The following GTF3C3 variants were observed in gnomAD, a reference collection of about 807,000 sequenced individuals.
GTF3C3 encodes the protein general transcription factor 3C polypeptide 3.
GTF3C3 carries 75 observed loss-of-function variants against 105.2 expected under a neutral mutation model. The ratio of observed to expected loss-of-function variants is 0.71; its 90% CI spans 0.59 to 0.86. GTF3C3 has a LOEUF of 0.86. GTF3C3 is among the 40% of genes least tolerant of loss of function. The pLI, the probability that GTF3C3 is intolerant of heterozygous loss-of-function variation, is 0.00. For synonymous variants in GTF3C3, 335 were observed against 370.4 expected, an observed-to-expected ratio of 0.90 and a Z score of 1.10; for missense variants, 856 against 1,076.5, an observed-to-expected ratio of 0.80 and a Z score of 2.87.
Position 196,789,216 on chromosome 2 carries a change from C to T in GTF3C3, c.881G>A (p.Arg294Lys). 3 of 1,606,822 alleles carry T rather than the reference C, an allele frequency of 1.9e-6. No individual in the cohort carries two copies. Among genetic ancestry groups the T allele is most frequent in the Non-Finnish European group, 2.5e-6 (3 of 1,177,578 alleles). Residue 294 changes from arginine (R) to lysine (K), a missense_variant, in exon 6 of 18, where the codon AGA becomes AAA. Coordinates refer to ENST00000263956, the MANE Select transcript of GTF3C3 (RefSeq NM_012086.5). ...SDGERFMQLA[R>K]DMAKSYYEAN... ...ACTCCAAACTTACTTTGCCATATCT[C>T]TAGCCAGCTGCATAAAACGTTCGCC...
chr2:196,782,784 T>G (rs1468166620), intron 8 of GTF3C3, among the ~76,000 whole-genome samples: 2 of 152,188 alleles, frequency 1.3e-5, no homozygotes, highest in African/African-American at 4.8e-5. Context: ...ACCAGTTCAA[T>G]CAGGTAAGTA....
chr2:196,784,953 G>C (rs1699429479), intron 7 of GTF3C3, 24 bp from the exon 8 acceptor site: 2 of 1,485,218 alleles, frequency 1.3e-6, no homozygotes, highest in Middle Eastern at 1.8e-4. Context: ...AAAGAAGAAA[G>C]GAAATAAAAT....
intron 5 of GTF3C3, 107 bp downstream of exon 5, chr2:196,789,772 C>T (rs1699514924): frequency 1.4e-6 from 1 of 691,926 alleles, no homozygotes; most frequent in African/African-American, 1.9e-5. Flanking sequence ...ACAATAGAAA[C>T]AAATTTATCT....
chr2:196,781,623 AGC>A (rs1006223714), intron 8 of GTF3C3, among the ~76,000 whole-genome samples: 7 of 151,818 alleles, frequency 4.6e-5, no homozygotes, highest in African/African-American at 1.7e-4. Context: ...GGTGTCCTGG[AGC>A]CAATCTCTCA....
At chr2:196,781,357 A>AAAAAAAAAAAAAAAAAAAAAAAT in intron 8 of GTF3C3, among the ~76,000 whole-genome samples, 4 of 18,820 alleles carry the variant, frequency 2.1e-4, no homozygotes, top group Non-Finnish European at 4.5e-4. Flanking sequence ...AAAAAAAAAA[A>AAAAAAAAAAAAAAAAAAAAAAAT]ATATATATAT....
chr2:196,797,852 A>G lies in GTF3C3; in HGVS notation c.159T>C (p.Val53=). Residue 53 remains valine (V), a synonymous_variant, in exon 2 of 18, where the codon GTT becomes GTC. Transcript: ENST00000263956. ...TAGAGTTAATTCCTGATGATGATGG[A>G]ACTTCAGAGTCATCGGGATTTTCTT... ...SAEENPDDSE[V]PSSSGINSTK... 1 of 1,612,972 alleles carries G rather than the reference A, an allele frequency of 6.2e-7. No individual in the cohort carries two copies. Among genetic ancestry groups the G allele is most frequent in the Non-Finnish European group, 8.5e-7 (1 of 1,178,920 alleles).
intron 4 of GTF3C3, 124 bp downstream of exon 4, chr2:196,791,213 C>A: frequency 1.3e-6 from 1 of 773,296 alleles, no homozygotes; most frequent in East Asian, 2.6e-5. Flanking sequence ...TGGCAATTAC[C>A]ATTACCACAA....
chr2:196,764,964 A>T (rs1699035368), intron 17 of GTF3C3, among the ~76,000 whole-genome samples: 1 of 152,236 alleles, frequency 6.6e-6, no homozygotes, highest in Non-Finnish European at 1.5e-5. Flanking sequence ...AAAAGAAACC[A>T]TAAAAGAAAA....
chr2:196,788,819 T>C lies in GTF3C3; in HGVS notation c.893+385A>G, dbSNP rs138469092. 1.1e-3 allele frequency among the ~76,000 whole-genome samples: 166 copies of C among 152,170 alleles called. No individual in the cohort carries two copies. In the East Asian group the frequency reaches 0.019, roughly 17 times the overall value. On this transcript the variant is annotated intron_variant, in intron 6 of 17. Coordinates refer to ENST00000263956, the MANE Select transcript of GTF3C3 (RefSeq NM_012086.5). ...GTGGCTCATATGTGTAATCCTAGCA[T>C]TTTGGGAGGCCAAAGCAAAAGAAAT...
chr2:196,783,023 C>T (rs947305778), intron 8 of GTF3C3, among the ~76,000 whole-genome samples: 1 of 152,132 alleles, frequency 6.6e-6, no homozygotes, highest in African/African-American at 2.4e-5. Context: ...ATAGACAATA[C>T]ATAATCTACC....
intron 9 of GTF3C3, 38 bp downstream of exon 9, chr2:196,780,521 T>C (rs768643817): frequency 6.3e-7 from 1 of 1,590,320 alleles, no homozygotes; most frequent in Non-Finnish European, 8.6e-7. Context: ...ATGGTGCATT[T>C]GATCTGAAGT....
At chr2:196,792,689 G>A (rs1412078499) in intron 3 of GTF3C3, among the ~76,000 whole-genome samples, 1 of 152,044 alleles carries the variant, frequency 6.6e-6, no homozygotes, top group Non-Finnish European at 1.5e-5. Flanking sequence ...CTAGGCTGAA[G>A]TGCTGCAGCC....
At position 196,771,925 on chromosome 2, in the gene GTF3C3, C is replaced by A; in HGVS notation, c.2083G>T (p.Glu695Ter). Residue 695 changes from glutamate (E) to a stop codon, truncating the protein, a stop_gained, in exon 15 of 18, where the codon GAA becomes TAA. Transcript: ENST00000263956. LOFTEE classifies it high-confidence loss of function. Reference sequence around the variant, plus strand: ...CAGAGCTGGGGTTTATTGACATTTTCCATTACCATTATCCTAAAATTGCAG... The same window carrying A: ...CAGAGCTGGGGTTTATTGACATTTTACATTACCATTATCCTAAAATTGCAG... ...AYNYIRIMVMENVNKPQLWNI... is the reference protein window; with the variant it reads ...AYNYIRIMVM 6.2e-7 allele frequency: 1 copy of A among 1,609,848 alleles called. No individual in the cohort carries two copies. The highest frequency in any genetic ancestry group is 8.5e-7 in the Non-Finnish European group (1 of 1,176,152).
chr2:196,793,612 T>C (rs1699590644), intron 2 of GTF3C3, among the ~76,000 whole-genome samples: 1 of 152,194 alleles, frequency 6.6e-6, no homozygotes, highest in South Asian at 2.1e-4. Flanking sequence ...AGCTGCTCTA[T>C]ACATCAGTTT....
intron 5 of GTF3C3, 27 bp from the exon 6 acceptor site, chr2:196,789,396 T>C (rs1699509403): frequency 1.3e-6 from 2 of 1,536,940 alleles, no homozygotes; most frequent in South Asian, 2.4e-5. Flanking sequence ...ACAAATTATT[T>C]ACCACAAAAA....
At chr2:196,767,289 T>G (rs1699085645) in intron 16 of GTF3C3, among the ~76,000 whole-genome samples, 1 of 152,202 alleles carries the variant, frequency 6.6e-6, no homozygotes, top group Non-Finnish European at 1.5e-5. Flanking sequence ...ACAGCTACAA[T>G]GACGCTGGCT....
rs1699022983 is a variant in GTF3C3 at position 196,764,420 on chromosome 2, A to G, written c.*143T>C. On this transcript the variant is annotated 3_prime_UTR_variant, in exon 18 of 18. Coordinates refer to ENST00000263956, the MANE Select transcript of GTF3C3 (RefSeq NM_012086.5). ...GCATATATACCACAAGATCATTATC[A>G]CATATTAAAAATAAATACACTGTTT... 3 of 736,158 alleles carry G rather than the reference A, an allele frequency of 4.1e-6. No individual in the cohort carries two copies. The highest frequency in any genetic ancestry group is 6.2e-6 in the Non-Finnish European group (3 of 480,450). The allele number at this position is 736,158 out of a possible 1,614,324, so 45.6% of individuals were successfully genotyped here. A position where few individuals can be genotyped will look rare whatever the true frequency, so the allele number is the denominator to read the frequency against.
At chr2:196,769,817 T>C (rs1576016764) in intron 16 of GTF3C3, 98 bp downstream of exon 16, 2 of 952,576 alleles carry the variant, frequency 2.1e-6, no homozygotes, top group Non-Finnish European at 1.6e-6. Context: ...CTGAGAGCAT[T>C]GTGTATTACT....
intron 17 of GTF3C3, among the ~76,000 whole-genome samples, chr2:196,765,688 TATTC>T (rs912063681): frequency 1.2e-4 from 18 of 151,358 alleles, no homozygotes; most frequent in African/African-American, 4.4e-4. Context: ...ATAAAATATA[TATTC>T]ATTTGTTTAA....
Sources: allele counts gnomAD v4.1 joint callset (sites outside exome capture counted in the v4.1 genomes callset), GRCh38; gene constraint gnomAD v4.1.1; transcripts MANE v1.5; gene names NCBI Gene and HGNC (gene_info 2026-07-23, HGNC 2026-07-21).